The following PLCE1 variants were observed in gnomAD, a reference collection of about 807,000 sequenced individuals.
PLCE1 encodes 1-phosphatidylinositol 4,5-bisphosphate phosphodiesterase epsilon-1.
PLCE1 carries 119 observed loss-of-function variants against 242.8 expected under a neutral mutation model. The ratio of observed to expected loss-of-function variants is 0.49; its 90% CI spans 0.42 to 0.57. The LOEUF is 0.57. Ranked by LOEUF, PLCE1 falls within the 20% of genes least tolerant of loss-of-function variation. The probability of loss-of-function intolerance (pLI) is 0.00; values close to 1 mark genes in which losing one functional copy is unlikely to be tolerated. For synonymous variants in PLCE1, 945 were observed against 1,017.4 expected (o/e 0.93, Z 1.35); for missense variants, 2,441 against 2,788.8 (o/e 0.88, Z 2.81).
chr10:94,315,492 T>G (rs1275949315), intron 28 of PLCE1: 1 of 455,856 alleles, frequency 2.2e-6, no homozygotes, highest in East Asian at 6.9e-5. Context: ...GAAAATACAT[T>G]GGTAAAACTA....
chr10:94,037,357 A>C (rs1020993439), intron 2 of PLCE1, among the ~76,000 whole-genome samples: 2 of 152,210 alleles, frequency 1.3e-5, no homozygotes, highest in African/African-American at 4.8e-5. Flanking sequence ...ATGGATGATA[A>C]AATATCCATT....
intron 4 of PLCE1, among the ~76,000 whole-genome samples, chr10:94,183,914 C>A (rs547839998): frequency 1.2e-4 from 18 of 152,258 alleles, no homozygotes; most frequent in African/African-American, 4.3e-4. Flanking sequence ...TGGCACTAAG[C>A]TATTCATAAG....
chr10:94,094,447 G>T (rs899973660), intron 2 of PLCE1, among the ~76,000 whole-genome samples: 2 of 152,138 alleles, frequency 1.3e-5, no homozygotes, highest in African/African-American at 4.8e-5. Context: ...TATGACAGGT[G>T]CATGAATGGA....
At chr10:94,085,512 C>T (rs1371173303) in intron 2 of PLCE1, among the ~76,000 whole-genome samples, 1 of 152,140 alleles carries the variant, frequency 6.6e-6, no homozygotes, top group Non-Finnish European at 1.5e-5. Context: ...AGGAGTCATC[C>T]CGAGTTCCTG....
chr10:93,994,837 G>A (rs1218582915), intron 1 of PLCE1, among the ~76,000 whole-genome samples: 4 of 152,220 alleles, frequency 2.6e-5, no homozygotes, highest in African/African-American at 9.6e-5. Flanking sequence ...CAGACACTGA[G>A]TTCAGCCGAC....
chr10:94,169,429 C>T (rs1374568983), intron 3 of PLCE1, among the ~76,000 whole-genome samples: 2 of 152,122 alleles, frequency 1.3e-5, no homozygotes, highest in Admixed American at 1.3e-4. Flanking sequence ...GAAGCAAGTT[C>T]TGGAGGAGAC....
intron 7 of PLCE1, among the ~76,000 whole-genome samples, chr10:94,243,375 A>G (rs1393187742): frequency 1.3e-5 from 2 of 152,218 alleles, no homozygotes; most frequent in Non-Finnish European, 2.9e-5. Context: ...AGAGGAGCCT[A>G]AAGAGACCTG....
Position 94,306,786 on chromosome 10 carries a change from C to G in PLCE1, c.5884+98C>G. On this transcript the variant is annotated intron_variant, in intron 26 of 32. Transcript: ENST00000371380. This position sits in a 1 kb window ranked among gnomAD's most constrained non-coding sequence, Gnocchi z 5.7. ...TCTCTCTTTTCTGTTTGACATTTTC[C>G]TATAAAGAAGTTGAATTAAGAAGCA... 1 of 1,001,186 alleles carries G rather than the reference C, an allele frequency of 1.0e-6. No individual in the cohort carries two copies. Among genetic ancestry groups the G allele is most frequent in the South Asian group, 1.4e-5 (1 of 72,140 alleles). The allele number at this position is 1,001,186 out of a possible 1,614,324, so 62.0% of individuals were successfully genotyped here. A position where few individuals can be genotyped will look rare whatever the true frequency, so the allele number is the denominator to read the frequency against.
At chr10:94,101,118 C>T (rs1197798306) in intron 2 of PLCE1, among the ~76,000 whole-genome samples, 3 of 152,090 alleles carry the variant, frequency 2.0e-5, no homozygotes, top group African/African-American at 4.8e-5. Context: ...GAAGCCCTGC[C>T]GAGGCAGCGT....
intron 22 of PLCE1, among the ~76,000 whole-genome samples, chr10:94,293,121 A>G (rs1461490873): frequency 6.6e-6 from 1 of 152,242 alleles, no homozygotes; most frequent in African/African-American, 2.4e-5. Context: ...GAACCTAGAC[A>G]CTATGACACT....
intron 7 of PLCE1, among the ~76,000 whole-genome samples, chr10:94,238,645 A>T (rs951208352): frequency 6.6e-6 from 1 of 152,230 alleles, no homozygotes; most frequent in Non-Finnish European, 1.5e-5. Flanking sequence ...ATAAAGAATA[A>T]ATAAACTATG....
At chr10:94,067,099 T>C (rs2044217566) in intron 2 of PLCE1, among the ~76,000 whole-genome samples, 1 of 152,210 alleles carries the variant, frequency 6.6e-6, no homozygotes. Flanking sequence ...TCTCTGCTTC[T>C]GATTTTCCTC....
At chr10:94,028,097 G>T (rs922575513) in intron 1 of PLCE1, among the ~76,000 whole-genome samples, 4 of 152,176 alleles carry the variant, frequency 2.6e-5, no homozygotes, top group Admixed American at 6.5e-5. Flanking sequence ...TCTTTCAAAT[G>T]TGGATAGCAG....
intron 2 of PLCE1, among the ~76,000 whole-genome samples, chr10:94,082,499 C>T (rs914656565): frequency 4.6e-5 from 7 of 152,140 alleles, no homozygotes; most frequent in South Asian, 2.1e-4. Flanking sequence ...ACAGGGACAG[C>T]GCTTACAGCA....
intron 24 of PLCE1, among the ~76,000 whole-genome samples, chr10:94,301,403 G>C (rs1416794469): frequency 6.6e-6 from 1 of 151,904 alleles, no homozygotes; most frequent in Non-Finnish European, 1.5e-5. Flanking sequence ...AGATCGATAA[G>C]AGTCAACAGT....
At chr10:94,192,707 T>C (rs2048706853) in intron 4 of PLCE1, among the ~76,000 whole-genome samples, 1 of 152,216 alleles carries the variant, frequency 6.6e-6, no homozygotes, top group African/African-American at 2.4e-5. Context: ...GCAATGAGAT[T>C]GCTGGGTCGA....
At chr10:94,145,342 T>C (rs573621581) in intron 3 of PLCE1, among the ~76,000 whole-genome samples, 6 of 152,208 alleles carry the variant, frequency 3.9e-5, no homozygotes, top group South Asian at 2.1e-4. Flanking sequence ...TGGTGTAGAC[T>C]ACAAAGGGGA....
chr10:94,306,436 G>C lies in PLCE1; in HGVS notation c.5632G>C (p.Gly1878Arg). Residue 1878 changes from glycine to arginine, a missense_variant, in exon 26 of 33, where the codon GGT becomes CGT. Coordinates refer to ENST00000371380, the MANE Select transcript of PLCE1 (RefSeq NM_016341.4). This position sits in a 1 kb window ranked among gnomAD's most constrained non-coding sequence, Gnocchi z 5.7. ...PAVYSLTIVS[G>R]QNVCPSNSMG... Reference sequence around the variant, plus strand: ...GTCTCCCTCACCCTAGATTGTCTCTGGTCAGAATGTGTGCCCCAGTAATAG... The same window carrying C: ...GTCTCCCTCACCCTAGATTGTCTCTCGTCAGAATGTGTGCCCCAGTAATAG... 1.2e-6 allele frequency: 2 copies of C among 1,614,058 alleles called. No individual in the cohort carries two copies. The highest frequency in any genetic ancestry group is 1.7e-6 in the Non-Finnish European group (2 of 1,179,974).
chr10:94,115,585 A>G (rs1054963817), intron 2 of PLCE1, among the ~76,000 whole-genome samples: 1 of 152,220 alleles, frequency 6.6e-6, no homozygotes, highest in African/African-American at 2.4e-5. Flanking sequence ...GTGTCTGTTC[A>G]TATCCTTCGC....
Sources: allele counts gnomAD v4.1 joint callset (sites outside exome capture counted in the v4.1 genomes callset), GRCh38; gene constraint gnomAD v4.1.1; non-coding constraint Gnocchi (gnomAD v3.1); transcripts MANE v1.5; gene names NCBI Gene and HGNC (gene_info 2026-07-23, HGNC 2026-07-21).